The following SORBS2 variants were observed in gnomAD, a reference collection of about 807,000 sequenced individuals.
SORBS2 encodes sorbin and SH3 domain-containing protein 2.
In SORBS2, 46 loss-of-function variants were observed where a neutral mutation model predicts 97.7. The observed-to-expected ratio is 0.47, with a 90% CI of 0.37 to 0.60. The LOEUF (loss-of-function observed/expected upper bound fraction) is 0.60. Ranked by LOEUF, SORBS2 falls within the 20% of genes least tolerant of loss-of-function variation. The pLI is 0.00. For missense variants in SORBS2, 1,316 were observed against 1,282.3 expected, an observed-to-expected ratio of 1.03 and a Z score of -0.40; for synonymous variants, 476 against 473.4, an observed-to-expected ratio of 1.01 and a Z score of -0.07.
chr4:185,746,402 C>T (rs190670183), intron 2 of SORBS2, among the ~76,000 whole-genome samples: 89 of 152,230 alleles, frequency 5.8e-4, no homozygotes, highest in African/African-American at 1.8e-3. Context: ...CTGCAACCTC[C>T]GCGTCCTGGG....
rs998546197 is a variant in SORBS2, at chr4:185,646,608, T to G, written c.396+60A>C. ...TGCTAATGGGTCTGAAATTCAGGTT[T>G]ATTGGGGAGCCCTGGGAGCCCAGCG... On this transcript the variant is annotated intron_variant, in intron 4 of 14. Coordinates refer to ENST00000418609, the Ensembl canonical transcript of SORBS2. 8.9e-6 allele frequency: 9 copies of G among 1,012,054 alleles called. No individual in the cohort carries two copies. In the African/African-American group the frequency reaches 9.6e-5, roughly 11 times the overall value. 62.7% of individuals were successfully genotyped at this position (1,012,054 alleles called of 1,614,324 possible). A position where few individuals can be genotyped will look rare whatever the true frequency, so the allele number is the denominator to read the frequency against.
At chr4:185,651,805 T>C (rs776559693) in intron 2 of SORBS2, 1 of 1,503,696 alleles carries the variant, frequency 6.7e-7, no homozygotes, top group South Asian at 1.1e-5. Flanking sequence ...GTATAAGGAG[T>C]ATTATACATG....
Position 185,731,832 on chromosome 4 carries a change from TTCTCTCTCTCTC to T in SORBS2, c.-198+43383_-198+43394del, listed in dbSNP as rs1201714307. ...CCTCCCTCCCTGCCTGTCTCTCTCTTTCTCTCTCTCTCTCTCTCTCTCTCTCTCTCTCTCTAT... is the reference window on the plus strand; with the variant it reads ...CCTCCCTCCCTGCCTGTCTCTCTCTTTCTCTCTCTCTCTCTCTCTCTCTAT... On this transcript the variant is annotated intron_variant, in intron 2 of 20. Coordinates refer to the SORBS2 transcript ENST00000284776. 1.9e-3 allele frequency among the ~76,000 whole-genome samples: 63 copies of T among 33,286 alleles called. 1 individual carries two copies. Among genetic ancestry groups the T allele is most frequent in the African/African-American group, 6.7e-3 (55 of 8,254 alleles). The allele number at this position is 33,286 out of a possible 152,430, so 21.8% of individuals were successfully genotyped here. A position where few individuals can be genotyped will look rare whatever the true frequency, so the allele number is the denominator to read the frequency against.
At chr4:185,808,811 A>C (rs2102018) in intron 1 of SORBS2, among the ~76,000 whole-genome samples, 1 of 152,194 alleles carries the variant, frequency 6.6e-6, no homozygotes, top group African/African-American at 2.4e-5. Flanking sequence ...ATAATCGGCT[A>C]CTAATCATCA....
At position 185,593,589 on chromosome 4, in the gene SORBS2, C is replaced by T. The variant is rs998024763; in HGVS notation, c.2846+297G>A. ...TTGAAGCTCGCAGTTACTCGTTACACAGCCAGCAGAGCAGAGAGGGAGACA... is the reference window on the plus strand; with the variant it reads ...TTGAAGCTCGCAGTTACTCGTTACATAGCCAGCAGAGCAGAGAGGGAGACA... On this transcript the variant is annotated intron_variant, in intron 13 of 14. Transcript: ENST00000418609. The T allele has an allele frequency of 1.5e-4, 51 of 344,830 alleles. 1 individual carries two copies. Among genetic ancestry groups the T allele is most frequent in the Non-Finnish European group, 1.6e-4 (31 of 191,128 alleles). 21.4% of individuals were successfully genotyped at this position (344,830 alleles called of 1,614,324 possible).
intron 2 of SORBS2, among the ~76,000 whole-genome samples, chr4:185,741,994 G>A (rs1459229589): frequency 6.6e-6 from 1 of 152,164 alleles, no homozygotes. Context: ...TCCTGCCAAG[G>A]CTGGAGGCCC....
Position 185,606,445 on chromosome 4 carries a change from C to T in SORBS2, c.2796+5335G>A, listed in dbSNP as rs1437092337. 6 of 973,702 alleles carry T rather than the reference C, an allele frequency of 6.2e-6. No homozygotes were observed. The Admixed American group carries it at 3.1e-4, about 50-fold the overall frequency. The allele number at this position is 973,702 out of a possible 1,614,324, so 60.3% of individuals were successfully genotyped here. ...GGTGTGTTTTCATATACCCACTCCA[C>T]CCCCATCTTATATAGTATTTGTGTT... On this transcript the variant is annotated intron_variant, in intron 12 of 14. Coordinates refer to ENST00000418609, the Ensembl canonical transcript of SORBS2. This position sits in a 1 kb window ranked among gnomAD's most constrained non-coding sequence, Gnocchi z 4.3.
intron 1 of SORBS2, among the ~76,000 whole-genome samples, chr4:185,931,050 C>T (rs1480383436): frequency 6.6e-6 from 1 of 150,910 alleles, no homozygotes; most frequent in Non-Finnish European, 1.5e-5. Context: ...GTGATGATAT[C>T]TTCACTTTTT....
chr4:185,780,961 G>A (rs2099025647), intron 1 of SORBS2, among the ~76,000 whole-genome samples: 1 of 152,040 alleles, frequency 6.6e-6, no homozygotes, highest in Non-Finnish European at 1.5e-5. Flanking sequence ...TTTTTGAGAT[G>A]GAGTTTCACT....
chr4:185,781,734 G>A (rs1369825589), intron 1 of SORBS2, among the ~76,000 whole-genome samples: 1 of 152,050 alleles, frequency 6.6e-6, no homozygotes, highest in Non-Finnish European at 1.5e-5. Flanking sequence ...TTCCTGGACT[G>A]TGCCTCATCC....
At chr4:185,828,950 T>C (rs965180242) in intron 1 of SORBS2, among the ~76,000 whole-genome samples, 1 of 152,186 alleles carries the variant, frequency 6.6e-6, no homozygotes, top group Non-Finnish European at 1.5e-5. Context: ...TTACCATTAT[T>C]GGTCCCATTG....
intron 12 of SORBS2, among the ~76,000 whole-genome samples, chr4:185,596,776 T>G (rs146916584): frequency 0.015 from 2,312 of 152,042 alleles, 63 homozygotes; most frequent in African/African-American, 0.054. Context: ...CTTGTGATCT[T>G]CCCGCCTTGG....
rs1183432881 is a variant in SORBS2 at position 185,678,791 on chromosome 4, T to C, written c.-171+5A>G. On this transcript the variant is annotated splice_donor_5th_base_variant and intron_variant, in intron 3 of 20. Transcript: ENST00000284776. ...TAATAATTATTCAGAATATTTTTTC[T>C]GTACCTGAGTCTGGTGACTGAGAAT... 2.7e-6 allele frequency: 4 copies of C among 1,460,138 alleles called. No homozygotes were observed. The highest frequency in any genetic ancestry group is 2.8e-5 in the Admixed American group (1 of 35,790). The allele number at this position is 1,460,138 out of a possible 1,614,324, so 90.4% of individuals were successfully genotyped here. A position where few individuals can be genotyped will look rare whatever the true frequency, so the allele number is the denominator to read the frequency against.
At chr4:185,797,501 A>C (rs1445393310) in intron 1 of SORBS2, among the ~76,000 whole-genome samples, 1 of 152,124 alleles carries the variant, frequency 6.6e-6, no homozygotes, top group Non-Finnish European at 1.5e-5. Context: ...ACTACTTAAC[A>C]TGATGATGAT....
At chr4:185,887,876 C>T (rs959781325) in intron 1 of SORBS2, among the ~76,000 whole-genome samples, 16 of 151,776 alleles carry the variant, frequency 1.1e-4, no homozygotes, top group Non-Finnish European at 2.2e-4. Context: ...AACTTTCCCC[C>T]TTAAGTTGTT....
chr4:185,875,633 G>C (rs923582149), intron 1 of SORBS2, among the ~76,000 whole-genome samples: 4 of 152,232 alleles, frequency 2.6e-5, no homozygotes, highest in Non-Finnish European at 5.9e-5. Flanking sequence ...GATGTGAAGA[G>C]AATAAATATG....
intron 1 of SORBS2, among the ~76,000 whole-genome samples, chr4:185,906,842 G>A (rs1370009545): frequency 1.3e-5 from 2 of 152,140 alleles, no homozygotes; most frequent in Non-Finnish European, 2.9e-5. Context: ...TTATTGGGAA[G>A]AGGCCGGGCG....
At chr4:185,640,125 A>G (rs1305235904) in intron 4 of SORBS2, among the ~76,000 whole-genome samples, 1 of 152,212 alleles carries the variant, frequency 6.6e-6, no homozygotes, top group Non-Finnish European at 1.5e-5. Flanking sequence ...ACAGACAATG[A>G]TAGAAAAGTT....
intron 4 of SORBS2, 130 bp from the exon 15 acceptor site, chr4:185,638,292 C>T (rs570108972): frequency 1.5e-6 from 1 of 681,498 alleles, no homozygotes; most frequent in Admixed American, 2.1e-5. Context: ...CCACGAACCT[C>T]AGCAGGAGAG....
Sources: allele counts gnomAD v4.1 joint callset (sites outside exome capture counted in the v4.1 genomes callset), GRCh38; gene constraint gnomAD v4.1.1; non-coding constraint Gnocchi (gnomAD v3.1); transcripts MANE v1.5; gene names NCBI Gene and HGNC (gene_info 2026-07-23, HGNC 2026-07-21).